CEP250: variants seen among roughly 807,000 people sequenced by gnomAD.
The protein encoded by CEP250 is centrosome-associated protein CEP250.
A neutral mutation model predicts 315.7 loss-of-function variants in CEP250; 242 were observed. The ratio of observed to expected loss-of-function variants is 0.77; its 90% CI spans 0.69 to 0.85. The LOEUF is 0.85. Among genes scored for constraint, CEP250 ranks in the 40% least tolerant of loss-of-function variants. The pLI is 0.00. For synonymous variants in CEP250, 1,088 were observed against 1,175.0 expected, an observed-to-expected ratio of 0.93 and a Z score of 1.51; for missense variants, 2,515 against 2,886.4, an observed-to-expected ratio of 0.87 and a Z score of 2.95.
chr20:35,477,943 G>C lies in CEP250; in HGVS notation c.1936G>C (p.Asp646His), dbSNP rs1171819903. Residue 646 changes from aspartate (D) to histidine (H), a missense_variant, in exon 17 of 35, where the codon GAC becomes CAC. Transcript: ENST00000397527. Reference protein sequence around the residue: ...AEQARNALQVDLAEAEKRREA... With the variant: ...AEQARNALQVHLAEAEKRREA... ...GCAGGCGAGAAATGCTTTGCAGGTC[G>C]ACCTGGCGGAGGCAGAGAAGAGGAG... The C allele has an allele frequency of 1.9e-6, 3 of 1,611,112 alleles. No homozygotes were observed. The African/African-American group carries it at 4.0e-5, about 21-fold the overall frequency.
At position 35,493,785 on chromosome 20, in the gene CEP250, T is replaced by C. The variant is rs564251410; in HGVS notation, c.3033+213T>C. Among the ~76,000 whole-genome samples, 5 of 152,328 alleles carry C rather than the reference T, an allele frequency of 3.3e-5. No individual in the cohort carries two copies. In the East Asian group the frequency reaches 9.7e-4, roughly 29 times the overall value. ...GGGATAGTAATCTCTTTCTCTGTAA[T>C]GGTCACAGAGTTTTTGTTTTCCCTG... On this transcript the variant is annotated intron_variant, in intron 23 of 34. Transcript: ENST00000397527.
intron 26 of CEP250, 152 bp from the exon 27 acceptor site, chr20:35,498,443 T>A: frequency 1.1e-6 from 1 of 946,682 alleles, no homozygotes; most frequent in Non-Finnish European, 1.6e-6. Flanking sequence ...GGCCCATACT[T>A]ATGGAGAAAA....
intron 20 of CEP250, among the ~76,000 whole-genome samples, chr20:35,488,181 T>C (rs1202917169): frequency 1.3e-5 from 2 of 152,264 alleles, no homozygotes; most frequent in African/African-American, 4.8e-5. Context: ...TTAGCTCTTC[T>C]TGTAGCTATA....
At chr20:35,479,878 C>T in intron 19 of CEP250, 98 bp from the exon 20 acceptor site, 4 of 1,594,522 alleles carry the variant, frequency 2.5e-6, no homozygotes, top group Non-Finnish European at 3.4e-6. Context: ...GGGTGCAGGG[C>T]CTCTGAGATG....
At position 35,504,048 on chromosome 20, in the gene CEP250, G is replaced by A; in HGVS notation, c.5679G>A (p.Arg1893=). ...TGGAGGAGGTGCTGGGAGACCTAAGGGCTGAGTCTCGGGAACAGGAGAAAG... is the reference window on the plus strand; with the variant it reads ...TGGAGGAGGTGCTGGGAGACCTAAGAGCTGAGTCTCGGGAACAGGAGAAAG... ...QALEEVLGDL[R]AESREQEKAL... Residue 1893 remains arginine (R), a synonymous_variant, in exon 30 of 35, where the codon AGG becomes AGA. Coordinates refer to ENST00000397527, the MANE Select transcript of CEP250 (RefSeq NM_007186.6). 2 of 1,606,928 alleles carry A rather than the reference G, an allele frequency of 1.2e-6. No homozygotes were observed. The highest frequency in any genetic ancestry group is 1.3e-5 in the African/African-American group (1 of 74,810).
At chr20:35,490,407 A>G (rs985922244) in intron 20 of CEP250, among the ~76,000 whole-genome samples, 7 of 152,206 alleles carry the variant, frequency 4.6e-5, no homozygotes, top group Non-Finnish European at 8.8e-5. Context: ...TTCCACATGT[A>G]TTATATAATT....
At chr20:35,473,628 C>T in intron 13 of CEP250, 76 bp downstream of exon 13, 1 of 1,429,686 alleles carries the variant, frequency 7.0e-7, no homozygotes, top group Non-Finnish European at 9.4e-7. Flanking sequence ...TTTACCCACT[C>T]CCATCAGGTT....
chr20:35,494,110 G>A (rs1309054482), intron 23 of CEP250, among the ~76,000 whole-genome samples: 1 of 152,054 alleles, frequency 6.6e-6, no homozygotes, highest in Non-Finnish European at 1.5e-5. Flanking sequence ...TGAGTAGCTG[G>A]GACTACAGAT....
At chr20:35,474,442 A>G (rs1181529530) in intron 14 of CEP250, among the ~76,000 whole-genome samples, 13 of 152,234 alleles carry the variant, frequency 8.5e-5, no homozygotes, top group Non-Finnish European at 1.5e-4. Flanking sequence ...GAAATGCTTT[A>G]TGGAGGAGAG....
At position 35,504,767 on chromosome 20, in the gene CEP250, C is replaced by T. The variant is rs1452737526; in HGVS notation, c.6398C>T (p.Pro2133Leu). 6 of 1,614,082 alleles carry T rather than the reference C, an allele frequency of 3.7e-6. No individual in the cohort carries two copies. In the African/African-American group the frequency reaches 6.7e-5, roughly 18 times the overall value. Residue 2133 changes from proline (P) to leucine (L), a missense_variant, in exon 30 of 35, where the codon CCA (proline) becomes CTA (leucine). Coordinates refer to ENST00000397527, the MANE Select transcript of CEP250 (RefSeq NM_007186.6). Reference protein sequence around the residue: ...EALPHSHKTSPMEEQSLKLDS... With the variant: ...EALPHSHKTSLMEEQSLKLDS... ...TTACCCCACAGCCACAAAACCTCCC[C>T]AATGGAGGAACAATCTCTAAAACTT...
Position 35,511,826 on chromosome 20 carries a change from T to G in CEP250, c.*200T>G. 1 of 1,405,848 alleles carries G rather than the reference T, an allele frequency of 7.1e-7. No homozygotes were observed. The highest frequency in any genetic ancestry group is 9.2e-7 in the Non-Finnish European group (1 of 1,084,208). The allele number at this position is 1,405,848 out of a possible 1,614,324, so 87.1% of individuals were successfully genotyped here. Reference sequence around the variant, plus strand: ...TCACCTGGGAATGAGGCAAATTGCATTTGCTTGCTCCCTATGGAATCACCC... The same window carrying G: ...TCACCTGGGAATGAGGCAAATTGCAGTTGCTTGCTCCCTATGGAATCACCC... On this transcript the variant is annotated 3_prime_UTR_variant, in exon 35 of 35. Transcript: ENST00000397527.
intron 20 of CEP250, among the ~76,000 whole-genome samples, chr20:35,489,281 A>G (rs2063615624): frequency 2.0e-5 from 3 of 152,186 alleles, no homozygotes; most frequent in African/African-American, 7.2e-5. Context: ...AAAGCTGCAC[A>G]GGATGACACT....
At chr20:35,478,889 A>G (rs751375076) in intron 17 of CEP250, among the ~76,000 whole-genome samples, 4 of 152,150 alleles carry the variant, frequency 2.6e-5, no homozygotes, top group Non-Finnish European at 5.9e-5. Flanking sequence ...CATTGTCCTA[A>G]TAATTGTACG....
intron 1 of CEP250, among the ~76,000 whole-genome samples, chr20:35,457,675 T>C (rs1250325876): frequency 6.6e-6 from 1 of 152,156 alleles, no homozygotes. Context: ...GGCACATGCT[T>C]GTAATCCCAG....
Position 35,501,743 on chromosome 20 carries a change from T to A in CEP250, c.3899-102T>A. On this transcript the variant is annotated intron_variant, in intron 28 of 34. Coordinates refer to ENST00000397527, the MANE Select transcript of CEP250 (RefSeq NM_007186.6). ...TTTCTCCTTCTTGGCCTTCCTTCCCTTTGAATCTGTTCCCCATCCTCCATC... is the reference window on the plus strand; with the variant it reads ...TTTCTCCTTCTTGGCCTTCCTTCCCATTGAATCTGTTCCCCATCCTCCATC... The A allele has an allele frequency of 4.5e-6, 6 of 1,341,068 alleles. No individual in the cohort carries two copies. In the South Asian group the frequency reaches 8.8e-5, roughly 20 times the overall value. The allele number at this position is 1,341,068 out of a possible 1,614,324, so 83.1% of individuals were successfully genotyped here. A position where few individuals can be genotyped will look rare whatever the true frequency, so the allele number is the denominator to read the frequency against.
chr20:35,491,385 A>G, intron 22 of CEP250, 39 bp downstream of exon 22: 1 of 1,560,992 alleles, frequency 6.4e-7, no homozygotes, highest in African/African-American at 1.4e-5. Flanking sequence ...AGAAAGGGGC[A>G]CTCATTTACC....
In CEP250 at chr20:35,504,439, G is replaced by T. The variant is rs1159649069; in HGVS notation, c.6070G>T (p.Gly2024Cys). 1.6e-5 allele frequency: 26 copies of T among 1,611,356 alleles called. No individual in the cohort carries two copies. The highest frequency in any genetic ancestry group is 2.7e-5 in the African/African-American group (2 of 75,014). Residue 2024 changes from glycine (G) to cysteine (C), a missense_variant, in exon 30 of 35, where the codon GGT (glycine) becomes TGT (cysteine). Coordinates refer to ENST00000397527, the MANE Select transcript of CEP250 (RefSeq NM_007186.6). ...GGAGGAGGCTCTGAGGATACAAGAA[G>T]GTGAGATCCAGGACCAGGATCTCCG... is the stretch of plus-strand genomic sequence containing the variant. Reference protein sequence around the residue: ...QLEEALRIQEGEIQDQDLRYQ... With the variant: ...QLEEALRIQECEIQDQDLRYQ...
intron 24 of CEP250, among the ~76,000 whole-genome samples, chr20:35,495,725 C>T (rs1373375432): frequency 6.6e-6 from 1 of 151,650 alleles, no homozygotes; most frequent in Non-Finnish European, 1.5e-5. Flanking sequence ...ACTCCAGCCT[C>T]GGTGACAGAA....
Position 35,479,415 on chromosome 20 carries a change from A to G in CEP250, c.2279A>G (p.Gln760Arg). 1.9e-6 allele frequency: 3 copies of G among 1,613,400 alleles called. No homozygotes were observed. The highest frequency in any genetic ancestry group is 1.7e-6 in the Non-Finnish European group (2 of 1,179,704). Residue 760 changes from glutamine (Q) to arginine (R), a missense_variant, in exon 18 of 35, where the codon CAG (glutamine) becomes CGG (arginine). Gln to Arg is a conservative substitution (Grantham distance 43). Transcript: ENST00000397527. ...RDRQDLAEQL[Q>R]GLSSAKELLE... Reference sequence around the variant, plus strand: ...CGGCAGGACCTCGCTGAACAACTACAGGGGCTCAGGTAGGGCCCAGACTCA... The same window carrying G: ...CGGCAGGACCTCGCTGAACAACTACGGGGGCTCAGGTAGGGCCCAGACTCA...
Sources: gnomAD v4.1 joint callset for allele counts (sites outside exome capture counted in the v4.1 genomes callset) on GRCh38, gnomAD v4.1.1 for gene constraint, MANE v1.5 for transcripts, NCBI Gene and HGNC (gene_info 2026-07-23, HGNC 2026-07-21) for gene names.